The following HORMAD2 variants were observed in gnomAD, a reference collection of about 807,000 sequenced individuals.
HORMAD2 encodes HORMA domain containing 2, also known as HORMA domain-containing protein 2.
HORMAD2 carries 45 observed loss-of-function variants against 38.8 expected under a neutral mutation model. The ratio of observed to expected loss-of-function variants is 1.16; its 90% CI spans 0.91 to 1.49. The LOEUF is 1.49. Among genes scored for constraint, HORMAD2 ranks in the 40% most tolerant of loss-of-function variants. The probability of loss-of-function intolerance (pLI) is 0.00; values close to 1 mark genes in which losing one functional copy is unlikely to be tolerated. For missense variants in HORMAD2, 338 were observed against 367.0 expected (o/e 0.92, Z 0.65); for synonymous variants, 126 against 122.8 (o/e 1.03, Z -0.17).
the HORMAD2 span, among the ~76,000 whole-genome samples, chr22:30,182,852 T>C: frequency 6.6e-6 from 1 of 152,186 alleles, no homozygotes; most frequent in Non-Finnish European, 1.5e-5. Context: ...TTATTTTTGA[T>C]CAGGTAATAC....
chr22:30,094,342 C>T (rs968803375), intron 2 of HORMAD2, among the ~76,000 whole-genome samples: 5 of 152,140 alleles, frequency 3.3e-5, no homozygotes, highest in African/African-American at 9.7e-5. Flanking sequence ...ACTTGTGTTG[C>T]ACACCATGGT....
At chr22:30,090,330 T>C (rs1448897007) in intron 1 of HORMAD2, among the ~76,000 whole-genome samples, 1 of 152,216 alleles carries the variant, frequency 6.6e-6, no homozygotes, top group Non-Finnish European at 1.5e-5. Flanking sequence ...GCCATTGCAC[T>C]CTACTGTGGG....
chr22:30,174,613 C>G (rs1926318915), intron 10 of HORMAD2, among the ~76,000 whole-genome samples: 1 of 152,112 alleles, frequency 6.6e-6, no homozygotes, highest in South Asian at 2.1e-4. Context: ...GAGAACAAAA[C>G]TATTAAACCA....
downstream of HORMAD2, among the ~76,000 whole-genome samples, chr22:30,180,991 C>T (rs965276978): frequency 2.2e-5 from 3 of 138,844 alleles, no homozygotes; most frequent in African/African-American, 8.0e-5. Context: ...CCTCCCCTCT[C>T]CTCCCCTAAC....
At chr22:30,143,358 G>A (rs1362719302) in intron 10 of HORMAD2, among the ~76,000 whole-genome samples, 1 of 152,072 alleles carries the variant, frequency 6.6e-6, no homozygotes, top group African/African-American at 2.4e-5. Flanking sequence ...AGATGAATCT[G>A]CTAGCAAAAT....
chr22:30,197,774 T>TA, the HORMAD2 span, among the ~76,000 whole-genome samples: 232 of 146,320 alleles, frequency 1.6e-3, 1 homozygote, highest in East Asian at 3.4e-3. Flanking sequence ...AATAATGAGT[T>TA]AAAAAAAAAA....
At chr22:30,093,775 T>G in intron 1 of HORMAD2, 141 bp from the exon 2 acceptor site, 1 of 474,006 alleles carries the variant, frequency 2.1e-6, no homozygotes, top group Non-Finnish European at 3.8e-6. Flanking sequence ...CTGAACAATC[T>G]TGAAAACAGT....
intron 10 of HORMAD2, among the ~76,000 whole-genome samples, chr22:30,141,795 C>T (rs143345769): frequency 2.0e-5 from 3 of 152,026 alleles, no homozygotes; most frequent in South Asian, 2.1e-4. Context: ...TGGGGTTTAA[C>T]CATATTGGCC....
intron 5 of HORMAD2, among the ~76,000 whole-genome samples, chr22:30,106,036 A>G (rs1921165518): frequency 6.6e-6 from 1 of 152,168 alleles, no homozygotes; most frequent in Non-Finnish European, 1.5e-5. Context: ...TGTGTGGCAG[A>G]GTCTTACTCT....
intron 3 of HORMAD2, among the ~76,000 whole-genome samples, chr22:30,101,884 C>T (rs1351724817): frequency 6.6e-6 from 1 of 151,894 alleles, no homozygotes; most frequent in Non-Finnish European, 1.5e-5. Context: ...CTGAACAACA[C>T]GGTGAAACCC....
chr22:30,126,395 C>T (rs1287104202), intron 10 of HORMAD2, among the ~76,000 whole-genome samples: 2 of 152,128 alleles, frequency 1.3e-5, no homozygotes, highest in Non-Finnish European at 2.9e-5. Flanking sequence ...TCTTGATCTC[C>T]TGACCTCTTG....
At chr22:30,126,775 GTATTT>G (rs1170433357) in intron 10 of HORMAD2, among the ~76,000 whole-genome samples, 1 of 152,128 alleles carries the variant, frequency 6.6e-6, no homozygotes, top group Non-Finnish European at 1.5e-5. Flanking sequence ...AGTTTCCAAA[GTATTT>G]GTGCCAATTT....
Position 30,098,911 on chromosome 22 carries a change from A to AC in HORMAD2, c.112dup (p.Leu38ProfsTer28). 3 of 1,613,422 alleles carry AC rather than the reference A, an allele frequency of 1.9e-6. No individual in the cohort carries two copies. Among genetic ancestry groups the AC allele is most frequent in the Non-Finnish European group, 2.5e-6 (3 of 1,179,482 alleles). On this transcript the variant is annotated frameshift_variant, in exon 3 of 11. Coordinates refer to ENST00000336726, the MANE Select transcript of HORMAD2 (RefSeq NM_152510.4). LOFTEE classifies it high-confidence loss of function. Reference sequence around the variant, plus strand: ...ATGAGTCATTGAAAATGGTGAAGAAACTTTTTGCTACTTCCATCTCATGTA... The same window carrying AC: ...ATGAGTCATTGAAAATGGTGAAGAAACCTTTTTGCTACTTCCATCTCATGTA...
chr22:30,195,561 C>G, the HORMAD2 span, among the ~76,000 whole-genome samples: 2 of 152,192 alleles, frequency 1.3e-5, no homozygotes, highest in African/African-American at 4.8e-5. Flanking sequence ...CAAAGGATAC[C>G]TCAACTAGGA....
At chr22:30,163,367 A>G (rs927726669) in intron 10 of HORMAD2, among the ~76,000 whole-genome samples, 10 of 152,164 alleles carry the variant, frequency 6.6e-5, no homozygotes, top group African/African-American at 2.4e-4. Flanking sequence ...ATTACCTCAG[A>G]AAAGATGCTT....
intron 10 of HORMAD2, among the ~76,000 whole-genome samples, chr22:30,124,319 A>G (rs1922687464): frequency 6.6e-6 from 1 of 151,954 alleles, no homozygotes; most frequent in Non-Finnish European, 1.5e-5. Flanking sequence ...ACATATGTAG[A>G]ATCTTTATTT....
intron 1 of HORMAD2, among the ~76,000 whole-genome samples, chr22:30,083,146 A>G (rs957366825): frequency 6.6e-6 from 1 of 152,124 alleles, no homozygotes; most frequent in African/African-American, 2.4e-5. Context: ...CATGGCCTCT[A>G]GTACTAGCTA....
the HORMAD2 span, among the ~76,000 whole-genome samples, chr22:30,192,708 T>A: frequency 1.3e-5 from 2 of 152,120 alleles, no homozygotes; most frequent in Non-Finnish European, 2.9e-5. Flanking sequence ...TAAAGTTTTA[T>A]TGTTCTGTGT....
chr22:30,100,043 C>G (rs1162066212), intron 3 of HORMAD2, among the ~76,000 whole-genome samples: 1 of 152,188 alleles, frequency 6.6e-6, no homozygotes, highest in East Asian at 1.9e-4. Flanking sequence ...TTATTCCCAT[C>G]AAGCTACCAT....
Sources: gnomAD v4.1 joint callset for allele counts (sites outside exome capture counted in the v4.1 genomes callset) on GRCh38, gnomAD v4.1.1 for gene constraint, MANE v1.5 for transcripts, NCBI Gene and HGNC (gene_info 2026-07-23, HGNC 2026-07-21) for gene names.